Variants in UNC13C observed in about 807,000 individuals in gnomAD.
UNC13C encodes protein unc-13 homolog C.
A neutral mutation model predicts 245.4 loss-of-function variants in UNC13C; 174 were observed. The observed-to-expected ratio is 0.71, with a 90% CI of 0.63 to 0.80. The LOEUF (loss-of-function observed/expected upper bound fraction) is 0.80, where lower values mean the gene tolerates loss of function less well. Among genes scored for constraint, UNC13C ranks in the 30% least tolerant of loss-of-function variants. The pLI is 0.00. For missense variants in UNC13C, 2,829 were observed against 2,602.9 expected (o/e 1.09, Z -1.89); for synonymous variants, 992 against 895.1 (o/e 1.11, Z -1.93).
chr15:54,140,586 G>A (rs953045360), intron 2 of UNC13C, among the ~76,000 whole-genome samples: 5 of 152,212 alleles, frequency 3.3e-5, no homozygotes, highest in African/African-American at 1.2e-4. Context: ...TTGTGCTTCA[G>A]CTAGGTTTGG....
intron 4 of UNC13C, among the ~76,000 whole-genome samples, chr15:54,209,343 G>C (rs1383132560): frequency 6.6e-6 from 1 of 152,078 alleles, no homozygotes; most frequent in African/African-American, 2.4e-5. Flanking sequence ...AACCCAAATG[G>C]TCTAGGGATT....
intron 1 of UNC13C, among the ~76,000 whole-genome samples, chr15:53,993,447 G>T (rs1894479914): frequency 6.6e-6 from 1 of 152,116 alleles, no homozygotes; most frequent in South Asian, 2.1e-4. Flanking sequence ...ATTTTTGAAA[G>T]TTGAAGGGAT....
chr15:54,401,325 A>C (rs1187850582), intron 18 of UNC13C, among the ~76,000 whole-genome samples: 2 of 152,166 alleles, frequency 1.3e-5, no homozygotes, highest in East Asian at 3.9e-4. Flanking sequence ...AAAGAGATAT[A>C]TACGAAATTA....
chr15:54,455,205 CTATATATATATA>C (rs1214014395), intron 19 of UNC13C, among the ~76,000 whole-genome samples: 8 of 18,964 alleles, frequency 4.2e-4, no homozygotes, highest in South Asian at 4.2e-3. Flanking sequence ...CTCTCTCTCT[CTATATATATATA>C]TATATATATA....
chr15:54,623,451 ATTTATAGAT>A (rs1900926453), intron 31 of UNC13C, among the ~76,000 whole-genome samples: 1 of 152,192 alleles, frequency 6.6e-6, no homozygotes, highest in Non-Finnish European at 1.5e-5. Flanking sequence ...TGACTGGTAA[ATTTATAGAT>A]TTTATCTATT....
intron 2 of UNC13C, among the ~76,000 whole-genome samples, chr15:54,047,563 T>C (rs959967409): frequency 3.3e-5 from 5 of 152,148 alleles, no homozygotes; most frequent in African/African-American, 4.8e-5. Context: ...TTTATCCTGT[T>C]GTAGCATTTA....
At chr15:54,207,628 G>A (rs2034757016) in intron 4 of UNC13C, among the ~76,000 whole-genome samples, 1 of 151,956 alleles carries the variant, frequency 6.6e-6, no homozygotes, top group African/African-American at 2.4e-5. Flanking sequence ...ACATATAATG[G>A]GGATAATTTG....
intron 1 of UNC13C, among the ~76,000 whole-genome samples, chr15:53,996,679 A>G (rs1416128123): frequency 6.6e-6 from 1 of 152,160 alleles, no homozygotes; most frequent in Non-Finnish European, 1.5e-5. Context: ...ATCATAAATT[A>G]TTCTTGCTTT....
chr15:54,453,241 C>T (rs566302031), intron 19 of UNC13C, among the ~76,000 whole-genome samples: 55 of 152,312 alleles, frequency 3.6e-4, no homozygotes, highest in African/African-American at 1.3e-3. Flanking sequence ...AGGGATCACT[C>T]ACTTACCCTT....
At chr15:54,628,695 T>TAATA (rs777791780), downstream of UNC13C, 4 of 152,356 alleles carry the variant, frequency 2.6e-5, no homozygotes, top group Admixed American at 6.5e-5. Context: ...TGACCATATG[T>TAATA]AATAGTCTTC....
At chr15:54,203,484 G>GTATA (rs576221587) in intron 4 of UNC13C, among the ~76,000 whole-genome samples, 1 of 139,774 alleles carries the variant, frequency 7.2e-6, no homozygotes, top group African/African-American at 2.6e-5. Flanking sequence ...ATGTGTGTGT[G>GTATA]TATATATATA....
In UNC13C at chr15:54,143,634, T is replaced by C; in HGVS notation, c.3021T>C (p.Ser1007=). 1 of 1,613,342 alleles carries C rather than the reference T, an allele frequency of 6.2e-7. No homozygotes were observed. The highest frequency in any genetic ancestry group is 8.5e-7 in the Non-Finnish European group (1 of 1,179,430). The change falls in exon 4 of 33, where the codon AGT becomes AGC. Residue 1007 remains serine, a synonymous_variant. Transcript: ENST00000260323. Reference sequence around the variant, plus strand: ...CTTCATTTAAGGCTCGAATAGTAAGTGGCAATGATTTGGATGCTTCCAAAT... The same window carrying C: ...CTTCATTTAAGGCTCGAATAGTAAGCGGCAATGATTTGGATGCTTCCAAAT... ...SSVDEKARIV[S]GNDLDASKFS...
intron 17 of UNC13C, among the ~76,000 whole-genome samples, chr15:54,389,073 A>C (rs956903838): frequency 3.3e-5 from 5 of 152,144 alleles, no homozygotes; most frequent in Non-Finnish European, 7.3e-5. Flanking sequence ...TTTCAATGCA[A>C]ACTCCCTGAC....
chr15:54,625,195 T>TAAAG (rs1901055764), intron 32 of UNC13C, among the ~76,000 whole-genome samples: 1 of 151,984 alleles, frequency 6.6e-6, no homozygotes, highest in Non-Finnish European at 1.5e-5. Flanking sequence ...GCCAGGGAAA[T>TAAAG]AAAGACTCTG....
In UNC13C at chr15:54,444,007, C is replaced by G. The variant is rs113903613; in HGVS notation, c.4933+28940C>G. ...TCTAATACTGACAGTAAGTTCCCTACCATTATTTTATTGGAGCCCATCTTT... is the reference window on the plus strand; with the variant it reads ...TCTAATACTGACAGTAAGTTCCCTAGCATTATTTTATTGGAGCCCATCTTT... On this transcript the variant is annotated intron_variant, in intron 19 of 32. Coordinates refer to ENST00000260323, the MANE Select transcript of UNC13C (RefSeq NM_001080534.3). Among the ~76,000 whole-genome samples the G allele has an allele frequency of 3.9e-3, 590 of 151,648 alleles. 4 individuals carry two copies. The highest frequency in any genetic ancestry group is 0.014 in the African/African-American group (566 of 41,394).
At chr15:53,969,826 T>A in the UNC13C span, among the ~76,000 whole-genome samples, 363 of 152,266 alleles carry the variant, frequency 2.4e-3, 1 homozygote, top group African/African-American at 8.4e-3. Context: ...ACTTTTTCAT[T>A]TTTTAAAACT....
At chr15:54,487,858 A>G (rs1031347050) in intron 19 of UNC13C, among the ~76,000 whole-genome samples, 3 of 148,940 alleles carry the variant, frequency 2.0e-5, no homozygotes, top group African/African-American at 7.4e-5. Flanking sequence ...CTTTTTTCCT[A>G]TTTTCCTCTC....
chr15:53,905,749 G>A, the UNC13C span, among the ~76,000 whole-genome samples: 5 of 151,914 alleles, frequency 3.3e-5, no homozygotes, highest in Admixed American at 3.3e-4. Flanking sequence ...GAAATTTGCT[G>A]AGGGTGGATC....
intron 26 of UNC13C, among the ~76,000 whole-genome samples, chr15:54,533,910 G>A (rs549457066): frequency 9.2e-5 from 14 of 152,264 alleles, no homozygotes; most frequent in Non-Finnish European, 1.2e-4. Context: ...CAAGAGAAAA[G>A]TGAATAATAA....
Sources: gnomAD v4.1 joint callset for allele counts (sites outside exome capture counted in the v4.1 genomes callset) on GRCh38, gnomAD v4.1.1 for gene constraint, MANE v1.5 for transcripts, NCBI Gene and HGNC (gene_info 2026-07-23, HGNC 2026-07-21) for gene names.